MROH1: variants seen among roughly 807,000 people sequenced by gnomAD.
MROH1 encodes the protein maestro heat-like repeat-containing protein family member 1.
Under a neutral mutation model 116.5 loss-of-function variants are expected in MROH1, and 117 were observed. That is an observed-to-expected ratio of 1.00 (90% CI 0.86 to 1.17). The LOEUF (loss-of-function observed/expected upper bound fraction) is 1.17, where lower values mean the gene tolerates loss of function less well. MROH1 is among the 50% of genes most tolerant of loss of function. The probability of loss-of-function intolerance (pLI) is 0.00; values close to 1 mark genes in which losing one functional copy is unlikely to be tolerated. For missense variants in MROH1, 1,873 were observed against 1,338.5 expected (o/e 1.40, Z -6.23); for synonymous variants, 921 against 583.9 (o/e 1.58, Z -8.32).
chr8:144,237,169 T>C (rs1840190430), intron 14 of MROH1, among the ~76,000 whole-genome samples: 2 of 152,000 alleles, frequency 1.3e-5, no homozygotes, highest in African/African-American at 2.4e-5. Flanking sequence ...CCTCCGAAAG[T>C]GCTGGGATTA....
Position 144,247,636 on chromosome 8 carries a change from C to T in MROH1, c.3077C>T (p.Pro1026Leu), listed in dbSNP as rs1165012769. The T allele has an allele frequency of 9.5e-5, 73 of 764,450 alleles. No individual in the cohort carries two copies. The highest frequency in any genetic ancestry group is 8.7e-4 in the Admixed American group (51 of 58,308). The allele number at this position is 764,450 out of a possible 1,614,324, so 47.4% of individuals were successfully genotyped here. A position where few individuals can be genotyped will look rare whatever the true frequency, so the allele number is the denominator to read the frequency against. ...AGCCTCAAGGACGGCCTCGTGCACC[C>T]TGACCCCGCCATTCTCTTCCACACC... ...LLSLKDGLVH[P>L]DPAILFHTCH... The change falls in exon 31 of 44, where the codon CCT becomes CTT. Residue 1026 changes from proline to leucine, a missense_variant. Transcript: ENST00000326134.
Position 144,244,267 on chromosome 8 carries a change from C to T in MROH1, c.2601C>T (p.Ile867=). The change falls in exon 27 of 44, where the codon ATC becomes ATT. Residue 867 remains isoleucine (I), a synonymous_variant. Transcript: ENST00000326134. ...ACGAGCAGGCCCGGGCGGATGTGAT[C>T]CATGGCTGCCTGCACAGCATCATGG... ...ALDEQARADV[I]HGCLHSIMAL... 1 of 718,750 alleles carries T rather than the reference C, an allele frequency of 1.4e-6. No homozygotes were observed. Among genetic ancestry groups the T allele is most frequent in the South Asian group, 1.5e-5 (1 of 67,602 alleles). 44.5% of individuals were successfully genotyped at this position (718,750 alleles called of 1,614,324 possible).
chr8:144,191,543 C>T (rs1006512181), intron 8 of MROH1, among the ~76,000 whole-genome samples, 172 bp from the exon 9 acceptor site: 21 of 152,220 alleles, frequency 1.4e-4, no homozygotes, highest in Non-Finnish European at 2.5e-4. Flanking sequence ...ATCTGGCTTG[C>T]TGTGGTCTCC....
intron 31 of MROH1, among the ~76,000 whole-genome samples, chr8:144,248,558 C>T (rs1842298523): frequency 6.6e-6 from 1 of 152,200 alleles, no homozygotes; most frequent in Non-Finnish European, 1.5e-5. Context: ...GGCGACTGCA[C>T]CACAGGGCTG....
At position 144,261,266 on chromosome 8, in the gene MROH1, G is replaced by C; in HGVS notation, c.4775-18G>C. The C allele has an allele frequency of 5.3e-6, 4 of 747,912 alleles. No individual in the cohort carries two copies. Among genetic ancestry groups the C allele is most frequent in the Non-Finnish European group, 9.7e-6 (4 of 410,684 alleles). 46.3% of individuals were successfully genotyped at this position (747,912 alleles called of 1,614,324 possible). A position where few individuals can be genotyped will look rare whatever the true frequency, so the allele number is the denominator to read the frequency against. On this transcript the variant is annotated intron_variant, in intron 42 of 43. Transcript: ENST00000326134. Reference sequence around the variant, plus strand: ...CCCACGCCGCCCGGCAGCCCCGCCTGATGCCCCCACTTCACAGGGTTCCTG... The same window carrying C: ...CCCACGCCGCCCGGCAGCCCCGCCTCATGCCCCCACTTCACAGGGTTCCTG...
intron 14 of MROH1, among the ~76,000 whole-genome samples, chr8:144,235,421 C>A (rs1211965198): frequency 6.6e-6 from 1 of 152,086 alleles, no homozygotes. Context: ...GAGCAGACAG[C>A]CTTGTCTTGT....
chr8:144,232,747 C>G (rs1424661375), intron 14 of MROH1, among the ~76,000 whole-genome samples: 1 of 151,970 alleles, frequency 6.6e-6, no homozygotes, highest in Non-Finnish European at 1.5e-5. Context: ...CCCACCTCGG[C>G]CTCCCAAAGT....
At chr8:144,209,351 C>G (rs879616589) in intron 12 of MROH1, among the ~76,000 whole-genome samples, 3 of 151,922 alleles carry the variant, frequency 2.0e-5, no homozygotes, top group Non-Finnish European at 2.9e-5. Context: ...GAGGCTGAGG[C>G]AGGCGGATCA....
chr8:144,255,100 C>A (rs1843466406), intron 34 of MROH1, 122 bp downstream of exon 34: 1 of 616,692 alleles, frequency 1.6e-6, no homozygotes, highest in South Asian at 1.8e-5. Context: ...GGAGGCAGCA[C>A]CGGGCTGGGA....
At chr8:144,213,186 G>T in intron 12 of MROH1, 1 of 724,094 alleles carries the variant, frequency 1.4e-6, no homozygotes, top group Non-Finnish European at 2.6e-6. Context: ...TTCTGCGGGC[G>T]ACTGCCCATG....
At chr8:144,193,264 G>A (rs994125506) in intron 10 of MROH1, 1 of 152,282 alleles carries the variant, frequency 6.6e-6, no homozygotes, top group Admixed American at 6.5e-5. Context: ...TGTCAACATT[G>A]GTACGAAAAG....
At position 144,182,946 on chromosome 8, in the gene MROH1, G is replaced by T. The variant is rs777744578; in HGVS notation, c.562+2423G>T. ...ACAAAAAAATTAGCCGGGTGTGGTG[G>T]CGCATGTCTGTAATCCCTGATACTG... On this transcript the variant is annotated intron_variant, in intron 7 of 43. Transcript: ENST00000326134. The surrounding 1 kb of genome is among the most constrained non-coding windows in gnomAD (Gnocchi z 4.1). Among the ~76,000 whole-genome samples the T allele has an allele frequency of 1.5e-4, 23 of 152,212 alleles. No homozygotes were observed. The highest frequency in any genetic ancestry group is 5.2e-4 in the Admixed American group (8 of 15,280).
Position 144,154,331 on chromosome 8 carries a change from A to G in MROH1, c.-177+6255A>G, listed in dbSNP as rs1336146760. ...GATCCGCAGCTATAGACCTCAGTCTATGGTACAAACTAGGCAGCTCAACTT... is the reference window on the plus strand; with the variant it reads ...GATCCGCAGCTATAGACCTCAGTCTGTGGTACAAACTAGGCAGCTCAACTT... On this transcript the variant is annotated intron_variant, in intron 1 of 43. Coordinates refer to ENST00000326134, the MANE Select transcript of MROH1 (RefSeq NM_032450.3). Among the ~76,000 whole-genome samples, 8 of 152,254 alleles carry G rather than the reference A, an allele frequency of 5.3e-5. No homozygotes were observed. The East Asian group carries it at 1.5e-3, about 29-fold the overall frequency.
intron 29 of MROH1, among the ~76,000 whole-genome samples, chr8:144,245,952 A>G (rs1289829670): frequency 1.3e-5 from 2 of 152,098 alleles, no homozygotes; most frequent in Non-Finnish European, 2.9e-5. Flanking sequence ...CTGGGGTTAC[A>G]GATGGGAGCC....
chr8:144,261,147 C>T lies in MROH1; in HGVS notation c.4705C>T (p.Leu1569=), dbSNP rs1844970119. Reference sequence around the variant, plus strand: ...TTTCCCAGACCTGCTGGGCCGTCTCCTGACCACCTGCCTGTTCTACTTCAA... The same window carrying T: ...TTTCCCAGACCTGCTGGGCCGTCTCTTGACCACCTGCCTGTTCTACTTCAA... The part of the protein sequence containing the change: ...HHFPDLLGRL[L]TTCLFYFKSS... The change falls in exon 42 of 44, where the codon CTG becomes TTG. Residue 1569 remains leucine (L), a synonymous_variant. Transcript: ENST00000326134. The T allele has an allele frequency of 1.3e-6, 1 of 772,872 alleles. No individual in the cohort carries two copies. The highest frequency in any genetic ancestry group is 2.4e-6 in the Non-Finnish European group (1 of 417,676). The allele number at this position is 772,872 out of a possible 1,614,324, so 47.9% of individuals were successfully genotyped here. A position where few individuals can be genotyped will look rare whatever the true frequency, so the allele number is the denominator to read the frequency against.
chr8:144,231,459 G>T (rs1554822871), intron 14 of MROH1, among the ~76,000 whole-genome samples: 1 of 152,160 alleles, frequency 6.6e-6, no homozygotes, highest in Non-Finnish European at 1.5e-5. Context: ...ACACATAGAG[G>T]TGATTGTAGG....
chr8:144,261,307 C>A lies in MROH1; in HGVS notation c.4798C>A (p.Pro1600Thr), dbSNP rs1456926278. The change falls in exon 43 of 44, where the codon CCC (proline) becomes ACC (threonine). Residue 1600 changes from proline (P) to threonine (T), a missense_variant. Physicochemically the swap from Pro to Thr is conservative, Grantham distance 38. Coordinates refer to ENST00000326134, the MANE Select transcript of MROH1 (RefSeq NM_032450.3). ...FTGFLVLHSEPRQQPQVDLDQ... is the reference protein window; with the variant it reads ...FTGFLVLHSETRQQPQVDLDQ... ...AGGGTTCCTGGTGCTGCACTCGGAG[C>A]CCAGGCAGCAGCCGCAGGTGGACCT... 2.7e-6 allele frequency: 2 copies of A among 728,784 alleles called. No homozygotes were observed. The highest frequency in any genetic ancestry group is 5.1e-5 in the East Asian group (2 of 39,076). 45.1% of individuals were successfully genotyped at this position (728,784 alleles called of 1,614,324 possible).
chr8:144,186,586 A>G (rs1272035228), intron 7 of MROH1, among the ~76,000 whole-genome samples: 2 of 152,184 alleles, frequency 1.3e-5, no homozygotes, highest in Non-Finnish European at 2.9e-5. Flanking sequence ...CAAAACTTGG[A>G]ACGAAGCAGA....
chr8:144,203,471 G>A (rs1389602149), intron 12 of MROH1, among the ~76,000 whole-genome samples: 5 of 150,662 alleles, frequency 3.3e-5, no homozygotes, highest in African/African-American at 4.9e-5. Context: ...GGGAAGGGAG[G>A]GAAGCGCAGG....
Sources: allele counts gnomAD v4.1 joint callset (sites outside exome capture counted in the v4.1 genomes callset), GRCh38; gene constraint gnomAD v4.1.1; non-coding constraint Gnocchi (gnomAD v3.1); transcripts MANE v1.5; gene names NCBI Gene and HGNC (gene_info 2026-07-23, HGNC 2026-07-21).